ASCC3: variants seen among roughly 807,000 people sequenced by gnomAD.
ASCC3 encodes activating signal cointegrator 1 complex subunit 3, also known as ASC-1 complex subunit P200.
Under a neutral mutation model 256.3 loss-of-function variants are expected in ASCC3, and 158 were observed. The observed-to-expected ratio is 0.62, with a 90% CI of 0.54 to 0.70. The LOEUF (loss-of-function observed/expected upper bound fraction) is 0.70, where lower values mean the gene tolerates loss of function less well. ASCC3 is among the 30% of genes least tolerant of loss of function. The pLI is 0.00. For synonymous variants in ASCC3, 948 were observed against 883.4 expected (o/e 1.07, Z -1.30); for missense variants, 2,259 against 2,626.0 (o/e 0.86, Z 3.05).
At chr6:100,690,659 T>A (rs1429350490) in intron 13 of ASCC3, among the ~76,000 whole-genome samples, 1 of 152,096 alleles carries the variant, frequency 6.6e-6, no homozygotes, top group Non-Finnish European at 1.5e-5. Flanking sequence ...ATAAGCTACC[T>A]CAAATAGGGT....
chr6:100,531,779 G>A (rs1774891606), intron 37 of ASCC3, among the ~76,000 whole-genome samples: 1 of 151,988 alleles, frequency 6.6e-6, no homozygotes, highest in South Asian at 2.1e-4. Context: ...GTTGTCCTGT[G>A]GGGAGCTTTT....
intron 36 of ASCC3, among the ~76,000 whole-genome samples, chr6:100,578,984 C>T (rs1582482625): frequency 1.3e-5 from 2 of 152,088 alleles, no homozygotes; most frequent in African/African-American, 4.8e-5. Flanking sequence ...TCCTCACCAG[C>T]ATCTGTTGTT....
At chr6:100,843,579 TCAATA>T (rs1181744717) in intron 4 of ASCC3, among the ~76,000 whole-genome samples, 1 of 152,180 alleles carries the variant, frequency 6.6e-6, no homozygotes, top group African/African-American at 2.4e-5. Flanking sequence ...TATGTATACT[TCAATA>T]CATCTCCAAT....
chr6:100,642,815 T>C (rs1775195319), intron 23 of ASCC3, 66 bp from the exon 24 acceptor site: 4 of 1,374,300 alleles, frequency 2.9e-6, no homozygotes, highest in South Asian at 2.4e-5. Flanking sequence ...TATTAGTCTA[T>C]TGTTAAGATA....
chr6:100,581,431 T>C (rs987684119), intron 36 of ASCC3, among the ~76,000 whole-genome samples: 9 of 148,330 alleles, frequency 6.1e-5, no homozygotes, highest in Non-Finnish European at 1.3e-4. Flanking sequence ...GATGGGGTTG[T>C]TTGTTTTTTT....
chr6:100,516,110 AAGTT>A, intron 39 of ASCC3, 66 bp downstream of exon 39: 2 of 1,600,420 alleles, frequency 1.2e-6, no homozygotes, highest in South Asian at 2.2e-5. Flanking sequence ...TCCATGCTCT[AAGTT>A]AGAAAACTCT....
intron 13 of ASCC3, among the ~76,000 whole-genome samples, chr6:100,708,282 T>C (rs1778696748): frequency 6.6e-6 from 1 of 152,184 alleles, no homozygotes; most frequent in Admixed American, 6.6e-5. Flanking sequence ...TTCTTTAATT[T>C]ATACCTATGA....
At chr6:100,739,989 G>A (rs1780351818) in intron 10 of ASCC3, among the ~76,000 whole-genome samples, 1 of 152,062 alleles carries the variant, frequency 6.6e-6, no homozygotes, top group African/African-American at 2.4e-5. Context: ...GGGTTTGTTT[G>A]CTTTTGGTTC....
intron 4 of ASCC3, among the ~76,000 whole-genome samples, chr6:100,840,570 T>TAAA (rs1772097134): frequency 1.3e-5 from 2 of 151,556 alleles, no homozygotes; most frequent in Non-Finnish European, 2.9e-5. Context: ...CAATGTTATT[T>TAAA]ATAACAGTAA....
chr6:100,665,356 T>A (rs530883374), intron 14 of ASCC3, among the ~76,000 whole-genome samples: 1 of 152,186 alleles, frequency 6.6e-6, no homozygotes, highest in South Asian at 2.1e-4. Flanking sequence ...TCAAAGTAAG[T>A]CTGGGTTTTT....
Position 100,735,018 on chromosome 6 carries a change from C to T in ASCC3, c.1738-9315G>A, listed in dbSNP as rs72942979. Among the ~76,000 whole-genome samples the T allele has an allele frequency of 5.6e-3, 852 of 152,080 alleles. 2 individuals carry two copies. Among genetic ancestry groups the T allele is most frequent in the Non-Finnish European group, 9.4e-3 (640 of 67,954 alleles). On this transcript the variant is annotated intron_variant, in intron 10 of 41. Coordinates refer to ENST00000369162, the MANE Select transcript of ASCC3 (RefSeq NM_006828.4). ...GGTATAAAAAGTCTACTTTAAACAA[C>T]CTAAAATCAATAAAAACATTGTATG...
intron 36 of ASCC3, among the ~76,000 whole-genome samples, chr6:100,548,520 C>T (rs1289248476): frequency 6.6e-6 from 1 of 151,818 alleles, no homozygotes; most frequent in African/African-American, 2.4e-5. Context: ...TGAGTATCTA[C>T]CATATGCCAT....
intron 10 of ASCC3, among the ~76,000 whole-genome samples, chr6:100,749,572 A>G (rs1260600414): frequency 2.0e-5 from 3 of 152,020 alleles, no homozygotes; most frequent in Admixed American, 2.0e-4. Flanking sequence ...ATGTAAAACT[A>G]TGCAACAACA....
intron 10 of ASCC3, among the ~76,000 whole-genome samples, chr6:100,762,353 G>A (rs1294799834): frequency 6.6e-6 from 1 of 152,184 alleles, no homozygotes; most frequent in Non-Finnish European, 1.5e-5. Flanking sequence ...TCTAACCAGT[G>A]TTTTCACTGA....
At chr6:100,841,141 G>C (rs945888340) in intron 4 of ASCC3, among the ~76,000 whole-genome samples, 1 of 152,092 alleles carries the variant, frequency 6.6e-6, no homozygotes, top group Admixed American at 6.6e-5. Flanking sequence ...TTCTCCTACA[G>C]AGAATATTAG....
At chr6:100,848,986 G>C (rs2114505965) in intron 3 of ASCC3, among the ~76,000 whole-genome samples, 1 of 152,170 alleles carries the variant, frequency 6.6e-6, no homozygotes, top group South Asian at 2.1e-4. Flanking sequence ...TGCACCTGTA[G>C]TCCCAGCTAC....
chr6:100,731,989 C>T (rs533745315), intron 10 of ASCC3, among the ~76,000 whole-genome samples: 45 of 151,942 alleles, frequency 3.0e-4, no homozygotes, highest in African/African-American at 4.6e-4. Flanking sequence ...TGGCAAACCC[C>T]GTCTCTACTA....
At chr6:100,550,359 T>C (rs1769228055) in intron 36 of ASCC3, among the ~76,000 whole-genome samples, 1 of 151,902 alleles carries the variant, frequency 6.6e-6, no homozygotes, top group Non-Finnish European at 1.5e-5. Context: ...TTCAGTACTA[T>C]GTAGGTCAAC....
At chr6:100,585,225 C>T (rs1424196134) in intron 36 of ASCC3, among the ~76,000 whole-genome samples, 14 of 152,296 alleles carry the variant, frequency 9.2e-5, no homozygotes, top group Middle Eastern at 3.4e-3. Flanking sequence ...ACCAATCAGA[C>T]GCAGATTTGG....
Sources: allele counts gnomAD v4.1 joint callset (sites outside exome capture counted in the v4.1 genomes callset), GRCh38; gene constraint gnomAD v4.1.1; transcripts MANE v1.5; gene names NCBI Gene and HGNC (gene_info 2026-07-23, HGNC 2026-07-21).